The following VAPA variants were observed in gnomAD, a reference collection of about 807,000 sequenced individuals.
VAPA encodes vesicle-associated membrane protein-associated protein A.
In VAPA, 6 loss-of-function variants were observed where a neutral mutation model predicts 25.6. That is an observed-to-expected ratio of 0.23 (90% CI 0.13 to 0.46). The LOEUF is 0.46. Ranked by LOEUF, VAPA falls within the 20% of genes least tolerant of loss-of-function variation. The probability of loss-of-function intolerance (pLI) is 0.99; values close to 1 mark genes in which losing one functional copy is unlikely to be tolerated. For synonymous variants in VAPA, 112 were observed against 106.2 expected, an observed-to-expected ratio of 1.05 and a Z score of -0.34; for missense variants, 244 against 302.1, an observed-to-expected ratio of 0.81 and a Z score of 1.43.
intron 3 of VAPA, 91 bp from the exon 4 acceptor site, chr18:9,936,895 C>T: frequency 9.2e-7 from 1 of 1,081,134 alleles, no homozygotes; most frequent in East Asian, 2.5e-5. Context: ...AGCCAGGCAG[C>T]TTCACTCATC....
chr18:9,921,128 G>A (rs2069153657), intron 1 of VAPA, among the ~76,000 whole-genome samples: 1 of 152,208 alleles, frequency 6.6e-6, no homozygotes, highest in Non-Finnish European at 1.5e-5. Flanking sequence ...TGCCCAGTAA[G>A]TGTTGATTGA....
chr18:9,933,205 CAG>C (rs1020495884), intron 2 of VAPA, among the ~76,000 whole-genome samples: 5 of 151,146 alleles, frequency 3.3e-5, no homozygotes, highest in African/African-American at 1.2e-4. Context: ...GAATTGGGTA[CAG>C]AGAGAGAGAA....
At chr18:9,928,538 CA>C (rs1299172769) in intron 1 of VAPA, among the ~76,000 whole-genome samples, 1 of 152,098 alleles carries the variant, frequency 6.6e-6, no homozygotes, top group Non-Finnish European at 1.5e-5. Context: ...GATACATTTT[CA>C]ATTAGTGAAG....
chr18:9,920,225 C>G (rs983914671), intron 1 of VAPA, among the ~76,000 whole-genome samples: 2 of 152,128 alleles, frequency 1.3e-5, no homozygotes, highest in Non-Finnish European at 1.5e-5. Flanking sequence ...AAGAAAAGGT[C>G]TGGGCTTTGG....
chr18:9,945,185 A>T, intron 4 of VAPA: 1 of 1,117,232 alleles, frequency 9.0e-7, no homozygotes, highest in African/African-American at 1.6e-5. Context: ...AACTATGCCT[A>T]AAATTACAAT....
chr18:9,935,246 TA>T (rs2069297185), intron 2 of VAPA, among the ~76,000 whole-genome samples: 1 of 152,168 alleles, frequency 6.6e-6, no homozygotes, highest in Admixed American at 6.5e-5. Context: ...GATGTTTATT[TA>T]AAATACAATT....
rs1199328201 is a variant in VAPA at position 9,957,864 on chromosome 18, C to G, written c.*3653C>G. ...ACTATTTTTTAGTAGGAAGTGAGAA[C>G]AGCTGATTTTCATGCCACGTTTCAT... On this transcript the variant is annotated 3_prime_UTR_variant, in exon 6 of 6. Transcript: ENST00000400000. 6.6e-6 allele frequency: 1 copy of G among 152,190 alleles called. No homozygotes were observed. Among genetic ancestry groups the G allele is most frequent in the East Asian group, 1.9e-4 (1 of 5,204 alleles). 9.4% of individuals were successfully genotyped at this position (152,190 alleles called of 1,614,324 possible).
At chr18:9,953,867 A>G (rs1360245280) in intron 5 of VAPA, among the ~76,000 whole-genome samples, 186 bp from the exon 6 acceptor site, 1 of 152,178 alleles carries the variant, frequency 6.6e-6, no homozygotes, top group African/African-American at 2.4e-5. Context: ...CCATCACTAT[A>G]GTTCAGTTTT....
intron 1 of VAPA, among the ~76,000 whole-genome samples, chr18:9,920,028 A>G (rs1002796455): frequency 6.6e-6 from 1 of 152,066 alleles, no homozygotes; most frequent in African/African-American, 2.4e-5. Context: ...AATGTCTGAG[A>G]TTTCTGCTTA....
At chr18:9,939,702 C>T (rs762855795) in intron 4 of VAPA, among the ~76,000 whole-genome samples, 2 of 152,004 alleles carry the variant, frequency 1.3e-5, no homozygotes, top group Non-Finnish European at 2.9e-5. Flanking sequence ...CAGGGGCAAT[C>T]GATTTGCTCC....
chr18:9,945,200 C>A, intron 4 of VAPA: 1 of 1,030,142 alleles, frequency 9.7e-7, no homozygotes, highest in Non-Finnish European at 1.4e-6. Flanking sequence ...TACAATAAAA[C>A]TACAAAGCAC....
Position 9,914,338 on chromosome 18 carries a change from A to C in VAPA, c.79+3A>C, listed in dbSNP as rs762842251. The C allele has an allele frequency of 6.3e-7, 1 of 1,575,848 alleles. No homozygotes were observed. Among genetic ancestry groups the C allele is most frequent in the African/African-American group, 1.4e-5 (1 of 70,614 alleles). ...GCCCACAGACCTCAAATTCAAAGGT[A>C]GGCAGAACGGGGACACCCCCGGGTG... On this transcript the variant is annotated splice_donor_region_variant and intron_variant, in intron 1 of 5. Coordinates refer to ENST00000400000, the MANE Select transcript of VAPA (RefSeq NM_194434.3).
chr18:9,920,889 C>T (rs1290284380), intron 1 of VAPA, among the ~76,000 whole-genome samples: 1 of 152,210 alleles, frequency 6.6e-6, no homozygotes, highest in Non-Finnish European at 1.5e-5. Context: ...TGTCAGGCAG[C>T]CTCTTATTTC....
Position 9,952,579 on chromosome 18 carries a change from A to C in VAPA, c.592-1474A>C, listed in dbSNP as rs1252196530. On this transcript the variant is annotated intron_variant, in intron 5 of 5. Coordinates refer to ENST00000400000, the MANE Select transcript of VAPA (RefSeq NM_194434.3). ...AACATCGTCTCAAAAAAAAAAAAAA[A>C]ACAAAACCCTTGAAGACCCACTGGC... Among the ~76,000 whole-genome samples, 5 of 151,818 alleles carry C rather than the reference A, an allele frequency of 3.3e-5. 1 individual carries two copies. The South Asian group carries it at 8.3e-4, about 25-fold the overall frequency.
intron 4 of VAPA, among the ~76,000 whole-genome samples, chr18:9,945,227 C>CA: frequency 6.6e-6 from 1 of 151,874 alleles, no homozygotes; most frequent in East Asian, 1.9e-4. Flanking sequence ...ATCATGCATA[C>CA]AAACTATTCT....
At chr18:9,947,563 A>G (rs2069438967) in intron 4 of VAPA, 1 of 152,210 alleles carries the variant, frequency 6.6e-6, no homozygotes, top group Admixed American at 6.5e-5. Context: ...GTTTTAGTTG[A>G]TACACACCTT....
intron 4 of VAPA, among the ~76,000 whole-genome samples, chr18:9,943,860 T>A (rs1218511305): frequency 1.8e-3 from 184 of 103,926 alleles, no homozygotes; most frequent in African/African-American, 6.7e-3. Flanking sequence ...TTTTTTTTTT[T>A]TTTTTTTTTT....
chr18:9,924,937 TCCCTTGCCCCAGAAGGCTGC>T (rs969010749), intron 1 of VAPA: 1 of 152,000 alleles, frequency 6.6e-6, no homozygotes, highest in Non-Finnish European at 1.5e-5. Flanking sequence ...AATGAGCATC[TCCCTTGCCCCAGAAGGCTGC>T]CAAAAGAATG....
chr18:9,949,465 A>AAGC, intron 4 of VAPA: 1 of 152,172 alleles, frequency 6.6e-6, no homozygotes, highest in Non-Finnish European at 1.5e-5. Context: ...GGCAGCTGGG[A>AAGC]TGGTGTGGTA....
Sources: gnomAD v4.1 joint callset for allele counts (sites outside exome capture counted in the v4.1 genomes callset) on GRCh38, gnomAD v4.1.1 for gene constraint, MANE v1.5 for transcripts, NCBI Gene and HGNC (gene_info 2026-07-23, HGNC 2026-07-21) for gene names.